Variants in SIAH3 observed in about 807,000 individuals in gnomAD.
SIAH3 encodes seven in absentia homolog 3.
Under a neutral mutation model 12.6 loss-of-function variants are expected in SIAH3, and 9 were observed. That is an observed-to-expected ratio of 0.72 (90% confidence interval 0.43 to 1.25). SIAH3 has a LOEUF of 1.25. Ranked by LOEUF, SIAH3 falls within the 50% of genes most tolerant of loss-of-function variation. The pLI, the probability that SIAH3 is intolerant of heterozygous loss-of-function variation, is 0.00. For synonymous variants in SIAH3, 154 were observed against 151.1 expected (o/e 1.02, Z -0.14); for missense variants, 390 against 365.4 (o/e 1.07, Z -0.55).
chr13:45,819,723 G>C (rs532144196), intron 1 of SIAH3, among the ~76,000 whole-genome samples: 54 of 152,160 alleles, frequency 3.5e-4, no homozygotes, highest in African/African-American at 1.2e-3. Flanking sequence ...CTCAGGGGCA[G>C]GGTCTCCAGG....
chr13:45,832,796 C>A (rs1469440098), intron 1 of SIAH3, among the ~76,000 whole-genome samples: 1 of 152,220 alleles, frequency 6.6e-6, no homozygotes, highest in Non-Finnish European at 1.5e-5. Context: ...ACCAGCAATG[C>A]ACAAGTGTTC....
chr13:45,848,129 G>T (rs982841524), intron 1 of SIAH3, among the ~76,000 whole-genome samples: 7 of 152,176 alleles, frequency 4.6e-5, no homozygotes, highest in Non-Finnish European at 8.8e-5. Context: ...CCTCATGAGC[G>T]CCAGCCTGAA....
intron 1 of SIAH3, among the ~76,000 whole-genome samples, chr13:45,806,692 C>T (rs1012930470): frequency 6.6e-6 from 1 of 152,030 alleles, no homozygotes; most frequent in Non-Finnish European, 1.5e-5. Flanking sequence ...ATGTAACAAA[C>T]CTGCACATTT....
chr13:45,827,694 G>T (rs187207310), intron 1 of SIAH3, among the ~76,000 whole-genome samples: 139 of 152,262 alleles, frequency 9.1e-4, no homozygotes, highest in African/African-American at 3.2e-3. Flanking sequence ...TTCAATTCCT[G>T]GCTACATCAG....
At chr13:45,836,518 C>T (rs953271623) in intron 1 of SIAH3, among the ~76,000 whole-genome samples, 1 of 152,142 alleles carries the variant, frequency 6.6e-6, no homozygotes, top group African/African-American at 2.4e-5. Flanking sequence ...AACGCATGAA[C>T]AGAAAACCAA....
At chr13:45,789,379 TC>T (rs1950538477) in intron 1 of SIAH3, among the ~76,000 whole-genome samples, 1 of 35,534 alleles carries the variant, frequency 2.8e-5, no homozygotes, top group Non-Finnish European at 5.8e-5. Context: ...TATCTATCTA[TC>T]TATCTATCTA....
intron 1 of SIAH3, among the ~76,000 whole-genome samples, chr13:45,811,639 T>G (rs989854724): frequency 6.6e-6 from 1 of 152,200 alleles, no homozygotes; most frequent in African/African-American, 2.4e-5. Flanking sequence ...ATTTTTGTAT[T>G]TGGCAAAGCA....
chr13:45,847,526 C>G (rs1950764384), intron 1 of SIAH3, among the ~76,000 whole-genome samples: 1 of 152,102 alleles, frequency 6.6e-6, no homozygotes, highest in Non-Finnish European at 1.5e-5. Flanking sequence ...GTGGATGCAT[C>G]AACAAATGGT....
rs1218837604 is a variant in SIAH3 at position 45,841,403 on chromosome 13, C to A, written c.135+10092G>T. Among the ~76,000 whole-genome samples, 3 of 152,322 alleles carry A rather than the reference C, an allele frequency of 2.0e-5. No homozygotes were observed. The East Asian group carries it at 5.8e-4, about 29-fold the overall frequency. On this transcript the variant is annotated intron_variant, in intron 1 of 1. Transcript: ENST00000400405. ...GTGGCCCATCTCTTCTGCAGAGGAT[C>A]CTGTCCTTTTTGTCCTGGGGAGCCA...
chr13:45,803,410 C>T (rs1473957212), intron 1 of SIAH3, among the ~76,000 whole-genome samples: 3 of 151,942 alleles, frequency 2.0e-5, no homozygotes. Context: ...TAGACAACTA[C>T]AAGGAATGTG....
chr13:45,805,702 G>T (rs1008168434), intron 1 of SIAH3, among the ~76,000 whole-genome samples: 1 of 152,102 alleles, frequency 6.6e-6, no homozygotes, highest in Admixed American at 6.6e-5. Context: ...AAAAGCAATT[G>T]CAACAAAGAC....
intron 1 of SIAH3, among the ~76,000 whole-genome samples, chr13:45,809,259 G>A (rs1593380422): frequency 6.6e-6 from 1 of 152,322 alleles, no homozygotes; most frequent in African/African-American, 2.4e-5. Context: ...GACTCTGTAA[G>A]TTTTGTTCCA....
chr13:45,850,682 G>T (rs1950777435), intron 1 of SIAH3, among the ~76,000 whole-genome samples: 1 of 151,722 alleles, frequency 6.6e-6, no homozygotes, highest in South Asian at 2.1e-4. Flanking sequence ...CGGCTCTGCC[G>T]GACCCCATAT....
intron 1 of SIAH3, among the ~76,000 whole-genome samples, chr13:45,838,264 C>G (rs186158520): frequency 1.3e-5 from 2 of 152,328 alleles, no homozygotes; most frequent in East Asian, 3.9e-4. Context: ...TTGGCCAAGT[C>G]TTTTCAAGGA....
chr13:45,817,746 C>T (rs1409254788), intron 1 of SIAH3, among the ~76,000 whole-genome samples: 3 of 152,194 alleles, frequency 2.0e-5, no homozygotes, highest in Non-Finnish European at 4.4e-5. Flanking sequence ...TCTCTTAGAG[C>T]TTATACATAA....
chr13:45,821,583 A>C (rs1262147433), intron 1 of SIAH3, among the ~76,000 whole-genome samples: 1 of 152,264 alleles, frequency 6.6e-6, no homozygotes, highest in Non-Finnish European at 1.5e-5. Flanking sequence ...TCATAAAAAT[A>C]ATTAGACTTC....
intron 1 of SIAH3, among the ~76,000 whole-genome samples, chr13:45,846,883 C>T (rs934773688): frequency 1.3e-4 from 20 of 152,218 alleles, no homozygotes; most frequent in African/African-American, 4.8e-4. Flanking sequence ...CGTTATGTGA[C>T]TCAGGAGCCT....
rs1168522311 is a variant in SIAH3 at position 45,780,396 on chromosome 13, G to A, written c.*2987C>T. On this transcript the variant is annotated 3_prime_UTR_variant, in exon 2 of 2. Coordinates refer to ENST00000400405, the MANE Select transcript of SIAH3 (RefSeq NM_198849.3). ...AAGCCATCCCCCTGTCTTGGCCTCC[G>A]AGTAGTTAAGACTATAGGCTTGTGT... 5.9e-5 allele frequency: 9 copies of A among 151,980 alleles called. No individual in the cohort carries two copies. Among genetic ancestry groups the A allele is most frequent in the Non-Finnish European group, 8.8e-5 (6 of 68,052 alleles). The allele number at this position is 151,980 out of a possible 1,614,324, so 9.4% of individuals were successfully genotyped here.
intron 1 of SIAH3, among the ~76,000 whole-genome samples, chr13:45,801,103 G>GGC (rs1555257368): frequency 9.3e-5 from 14 of 149,808 alleles, no homozygotes; most frequent in Non-Finnish European, 1.6e-4. Context: ...GGCGGGGGGG[G>GGC]GCATGGCTGT....
Sources: allele counts gnomAD v4.1 joint callset (sites outside exome capture counted in the v4.1 genomes callset), GRCh38; gene constraint gnomAD v4.1.1; transcripts MANE v1.5; gene names NCBI Gene and HGNC (gene_info 2026-07-23, HGNC 2026-07-21).